The following RAPGEF1 variants were observed in gnomAD, a reference collection of about 807,000 sequenced individuals.
RAPGEF1 encodes the protein CRK SH3-binding GNRP.
Under a neutral mutation model 143.3 loss-of-function variants are expected in RAPGEF1, and 33 were observed. The ratio of observed to expected loss-of-function variants is 0.23; its 90% CI spans 0.17 to 0.31. The LOEUF (loss-of-function observed/expected upper bound fraction) is 0.31. Ranked by LOEUF, RAPGEF1 falls within the 10% of genes least tolerant of loss-of-function variation. The pLI, the probability that RAPGEF1 is intolerant of heterozygous loss-of-function variation, is 1.00. For missense variants in RAPGEF1, 1,199 were observed against 1,645.4 expected (o/e 0.73, Z 4.69); for synonymous variants, 629 against 676.5 (o/e 0.93, Z 1.09).
rs1964508610 is a variant in RAPGEF1, at chr9:131,630,340, A to G, written c.652-16T>C. On this transcript the variant is annotated splice_polypyrimidine_tract_variant and intron_variant, in intron 5 of 26. Transcript: ENST00000683357. ...TGACCAGCTCCTACCCCCACAAGAA[A>G]AAGGCAATGAGCAAAGCTCCCGTCA... 1 of 1,612,028 alleles carries G rather than the reference A, an allele frequency of 6.2e-7. No individual in the cohort carries two copies. Among genetic ancestry groups the G allele is most frequent in the South Asian group, 1.1e-5 (1 of 91,038 alleles).
At chr9:131,706,054 G>A (rs2131163951) in intron 1 of RAPGEF1, among the ~76,000 whole-genome samples, 1 of 152,266 alleles carries the variant, frequency 6.6e-6, no homozygotes, top group East Asian at 1.9e-4. Flanking sequence ...GGGAATCCGG[G>A]CAGAAATCAG....
rs376973789 is a variant in RAPGEF1 at position 131,598,270 on chromosome 9, C to T, written c.2542G>A (p.Glu848Lys). Reference sequence around the variant, plus strand: ...AGGGACAGCTCGTCCACTTCCTCCTCCGACTGAGCCGACTCCAGAGCATCT... The same window carrying T: ...AGGGACAGCTCGTCCACTTCCTCCTTCGACTGAGCCGACTCCAGAGCATCT... ...SPDALESAQS[E>K]EEVDELSLID... Residue 848 changes from glutamate (E) to lysine (K), a missense_variant, in exon 16 of 27, where the codon GAG becomes AAG. Physicochemically the swap from Glu to Lys is moderately conservative, Grantham distance 56. Transcript: ENST00000683357. 9.2e-5 allele frequency: 149 copies of T among 1,613,912 alleles called. No individual in the cohort carries two copies. The highest frequency in any genetic ancestry group is 3.0e-4 in the Admixed American group (18 of 60,006).
At chr9:131,617,218 C>T (rs1959141221) in intron 12 of RAPGEF1, among the ~76,000 whole-genome samples, 1 of 152,222 alleles carries the variant, frequency 6.6e-6, no homozygotes, top group South Asian at 2.1e-4. Flanking sequence ...CTAGCTCAGT[C>T]AAGAGCTCGG....
At chr9:131,690,443 T>A (rs1833703236) in intron 1 of RAPGEF1, among the ~76,000 whole-genome samples, 1 of 152,208 alleles carries the variant, frequency 6.6e-6, no homozygotes, top group African/African-American at 2.4e-5. Flanking sequence ...AAGGAAATTA[T>A]TTATAATGTC....
intron 1 of RAPGEF1, among the ~76,000 whole-genome samples, chr9:131,676,984 AG>A (rs1463781880): frequency 6.6e-6 from 1 of 152,244 alleles, no homozygotes; most frequent in Non-Finnish European, 1.5e-5. Context: ...TCTGATACAC[AG>A]TAAGTTGGAA....
At chr9:131,670,870 G>A (rs1221418287) in intron 1 of RAPGEF1, among the ~76,000 whole-genome samples, 1 of 152,204 alleles carries the variant, frequency 6.6e-6, no homozygotes, top group Non-Finnish European at 1.5e-5. Flanking sequence ...AAGTCAGAAA[G>A]TCCTCCCTTT....
Position 131,579,413 on chromosome 9 carries a change from C to A in RAPGEF1, c.*84G>T, listed in dbSNP as rs1444395199. 4.1e-5 allele frequency: 62 copies of A among 1,518,808 alleles called. No individual in the cohort carries two copies. The South Asian group carries it at 5.0e-4, about 12-fold the overall frequency. 94.1% of individuals were successfully genotyped at this position (1,518,808 alleles called of 1,614,324 possible). On this transcript the variant is annotated 3_prime_UTR_variant, in exon 27 of 27. Coordinates refer to ENST00000683357, the MANE Select transcript of RAPGEF1 (RefSeq NM_001377935.1). Reference sequence around the variant, plus strand: ...CTCCGAGGCCGGGACTCCTGCCATGCGCCTAACAGGTCCAAGGTCCTCTCC... The same window carrying A: ...CTCCGAGGCCGGGACTCCTGCCATGAGCCTAACAGGTCCAAGGTCCTCTCC...
intron 3 of RAPGEF1, among the ~76,000 whole-genome samples, chr9:131,643,832 G>A (rs558926592): frequency 6.6e-6 from 1 of 152,264 alleles, no homozygotes; most frequent in Admixed American, 6.5e-5. Context: ...AGAAGCTCCA[G>A]GCTTTTGTTT....
At position 131,663,255 on chromosome 9, in the gene RAPGEF1, T is replaced by C. The variant is rs561103187; in HGVS notation, c.62-12306A>G. The stretch of plus-strand genomic sequence containing the variant: ...TCTTTCTCTATCACAGAAACACACA[T>C]GCAAATTTATTTTTCATCAAAGCAA... On this transcript the variant is annotated intron_variant, in intron 1 of 26. Coordinates refer to ENST00000683357, the MANE Select transcript of RAPGEF1 (RefSeq NM_001377935.1). Among the ~76,000 whole-genome samples the C allele has an allele frequency of 4.6e-5, 7 of 152,286 alleles. No homozygotes were observed. The South Asian group carries it at 6.2e-4, about 14-fold the overall frequency.
chr9:131,734,873 C>T (rs1416666131), intron 1 of RAPGEF1, among the ~76,000 whole-genome samples: 1 of 152,222 alleles, frequency 6.6e-6, no homozygotes, highest in Non-Finnish European at 1.5e-5. Context: ...GAGCGTGAGA[C>T]ACCTATTTAT....
chr9:131,576,836 G>T lies in RAPGEF1; in HGVS notation c.*2661C>A, dbSNP rs1951271319. ...TAAAAGTTACATGTTTGAAATGTCT[G>T]CAGGAAGATGCCACCATCAGACAGG... On this transcript the variant is annotated 3_prime_UTR_variant, in exon 27 of 27. Transcript: ENST00000683357. 1.3e-5 allele frequency: 2 copies of T among 152,202 alleles called. No individual in the cohort carries two copies. Among genetic ancestry groups the T allele is most frequent in the Admixed American group, 6.5e-5 (1 of 15,272 alleles). The allele number at this position is 152,202 out of a possible 1,614,324, so 9.4% of individuals were successfully genotyped here. A position where few individuals can be genotyped will look rare whatever the true frequency, so the allele number is the denominator to read the frequency against.
At chr9:131,727,542 C>T (rs12686493) in intron 1 of RAPGEF1, among the ~76,000 whole-genome samples, 43,070 of 151,952 alleles carry the variant, frequency 0.28, 6,142 homozygotes, top group South Asian at 0.36. Flanking sequence ...CCCTCTTCAT[C>T]ACCCAAAGAT....
intron 1 of RAPGEF1, among the ~76,000 whole-genome samples, chr9:131,673,153 ATGACCTGGC>A (rs1422162459): frequency 2.0e-5 from 3 of 152,234 alleles, no homozygotes. Context: ...GTGGGTCAGA[ATGACCTGGC>A]GTCTGGTCTG....
chr9:131,675,947 G>A lies in RAPGEF1; in HGVS notation c.62-24998C>T, dbSNP rs1034678167. 6.6e-6 allele frequency among the ~76,000 whole-genome samples: 1 copy of A among 151,766 alleles called. No individual in the cohort carries two copies. Among genetic ancestry groups the A allele is most frequent in the African/African-American group, 2.4e-5 (1 of 41,244 alleles). Reference sequence around the variant, plus strand: ...TTTTTAATCTCGCCCTGTGGCCCAGGCTGGAGTGTAGTGGCATGGTCGTAG... The same window carrying A: ...TTTTTAATCTCGCCCTGTGGCCCAGACTGGAGTGTAGTGGCATGGTCGTAG... On this transcript the variant is annotated intron_variant, in intron 1 of 26. Coordinates refer to ENST00000683357, the MANE Select transcript of RAPGEF1 (RefSeq NM_001377935.1). This position sits in a 1 kb window ranked among gnomAD's most constrained non-coding sequence, Gnocchi z 4.6.
Position 131,584,491 on chromosome 9 carries a change from G to C in RAPGEF1, c.3312+27C>G. 6.2e-7 allele frequency: 1 copy of C among 1,613,538 alleles called. No individual in the cohort carries two copies. The highest frequency in any genetic ancestry group is 1.1e-5 in the South Asian group (1 of 91,078). On this transcript the variant is annotated intron_variant, in intron 23 of 26. Transcript: ENST00000683357. This position sits in a 1 kb window ranked among gnomAD's most constrained non-coding sequence, Gnocchi z 6.8. ...CCCAGAGCAGGGACTGATGATGGGG[G>C]CCTGGGAAGGACTTGGCCACCATTA...
intron 1 of RAPGEF1, among the ~76,000 whole-genome samples, chr9:131,720,654 G>A (rs1747783810): frequency 1.3e-5 from 2 of 152,296 alleles, no homozygotes; most frequent in South Asian, 4.1e-4. Context: ...CAGGCTGCAA[G>A]TTATCAATTT....
intron 3 of RAPGEF1, among the ~76,000 whole-genome samples, chr9:131,645,646 T>C (rs1458867988): frequency 1.3e-5 from 2 of 152,220 alleles, no homozygotes; most frequent in Non-Finnish European, 2.9e-5. Context: ...CAGCCAGCAG[T>C]GAGAGTTCAC....
chr9:131,717,371 C>T (rs1444915994), intron 1 of RAPGEF1, among the ~76,000 whole-genome samples: 1 of 152,194 alleles, frequency 6.6e-6, no homozygotes, highest in Non-Finnish European at 1.5e-5. Context: ...ACTCACTATC[C>T]ACTGAACAAA....
intron 1 of RAPGEF1, among the ~76,000 whole-genome samples, chr9:131,661,809 C>T (rs1974178996): frequency 6.6e-6 from 1 of 152,132 alleles, no homozygotes. Context: ...CAGGAAGAGC[C>T]TGTGAATATC....
Sources: allele counts gnomAD v4.1 joint callset (sites outside exome capture counted in the v4.1 genomes callset), GRCh38; gene constraint gnomAD v4.1.1; non-coding constraint Gnocchi (gnomAD v3.1); transcripts MANE v1.5; gene names NCBI Gene and HGNC (gene_info 2026-07-23, HGNC 2026-07-21).